MNAT1: variants seen among roughly 807,000 people sequenced by gnomAD.
MNAT1 encodes MNAT1 component of CDK activating kinase, also known as CDK-activating kinase assembly factor MAT1.
In MNAT1, 43 loss-of-function variants were observed where a neutral mutation model predicts 42.0. The observed-to-expected ratio is 1.02, with a 90% CI of 0.80 to 1.32. The LOEUF is 1.32. Among genes scored for constraint, MNAT1 ranks in the 40% most tolerant of loss-of-function variants. MNAT1 has a pLI of 0.00. For synonymous variants in MNAT1, 118 were observed against 120.0 expected, an observed-to-expected ratio of 0.98 and a Z score of 0.11; for missense variants, 306 against 350.4, an observed-to-expected ratio of 0.87 and a Z score of 1.01.
rs186001880 is a variant in MNAT1, at chr14:60,889,297, A to G, written c.809+9462A>G. On this transcript the variant is annotated intron_variant, in intron 7 of 7. Transcript: ENST00000261245. ...ACAGAGCCCTCAGAAATAATGCTGC[A>G]TTATCTACAACTATCTGATCTTTGA... Among the ~76,000 whole-genome samples the G allele has an allele frequency of 3.6e-4, 55 of 152,242 alleles. No individual in the cohort carries two copies. The East Asian group carries it at 0.01, about 28-fold the overall frequency.
chr14:60,812,740 T>C (rs1176835435), intron 5 of MNAT1, among the ~76,000 whole-genome samples: 2 of 152,216 alleles, frequency 1.3e-5, no homozygotes, highest in Non-Finnish European at 2.9e-5. Context: ...CCTGTGCCTA[T>C]AAAGACCCCA....
chr14:60,858,983 A>T (rs1290056159), intron 6 of MNAT1, among the ~76,000 whole-genome samples: 1 of 152,240 alleles, frequency 6.6e-6, no homozygotes, highest in African/African-American at 2.4e-5. Context: ...AACCTGCAAT[A>T]TCTCCGAAGT....
At chr14:60,748,669 T>C (rs964789638) in intron 1 of MNAT1, among the ~76,000 whole-genome samples, 1 of 152,224 alleles carries the variant, frequency 6.6e-6, no homozygotes, top group Non-Finnish European at 1.5e-5. Context: ...TTTTTTCTCA[T>C]TGGAGAGTCT....
chr14:60,894,211 T>C (rs2034903886), intron 7 of MNAT1, among the ~76,000 whole-genome samples: 2 of 152,074 alleles, frequency 1.3e-5, no homozygotes, highest in Admixed American at 1.3e-4. Flanking sequence ...ATGCGGGCAG[T>C]AGGTTTTCTA....
At chr14:60,913,841 C>T (rs1204788998) in intron 7 of MNAT1, among the ~76,000 whole-genome samples, 2 of 152,186 alleles carry the variant, frequency 1.3e-5, no homozygotes, top group East Asian at 3.9e-4. Flanking sequence ...AGAACCACTA[C>T]TCTCTTCAAA....
At chr14:60,843,623 C>A (rs1335125829) in intron 6 of MNAT1, among the ~76,000 whole-genome samples, 1 of 152,018 alleles carries the variant, frequency 6.6e-6, no homozygotes, top group African/African-American at 2.4e-5. Context: ...AATCTTATGT[C>A]CATTAAAAAA....
chr14:60,900,879 C>T (rs1566544554), intron 7 of MNAT1, among the ~76,000 whole-genome samples: 3 of 151,534 alleles, frequency 2.0e-5, no homozygotes, highest in Admixed American at 6.6e-5. Flanking sequence ...GGTAGCTACT[C>T]AGGAGGCTGA....
chr14:60,936,548 C>A (rs557552774), intron 7 of MNAT1, among the ~76,000 whole-genome samples: 1 of 152,180 alleles, frequency 6.6e-6, no homozygotes, highest in Admixed American at 6.5e-5. Context: ...CTACAAAGGA[C>A]ATGAACTCAT....
At chr14:60,816,680 C>T (rs1378013729) in intron 5 of MNAT1, among the ~76,000 whole-genome samples, 3 of 151,974 alleles carry the variant, frequency 2.0e-5, no homozygotes, top group South Asian at 4.1e-4. Context: ...GCTAAATCTG[C>T]ATGTTAGATA....
chr14:60,826,890 C>A (rs1330481381), intron 6 of MNAT1, among the ~76,000 whole-genome samples: 1 of 150,956 alleles, frequency 6.6e-6, no homozygotes. Context: ...TTTTTTTTTC[C>A]CTGATTCATT....
intron 6 of MNAT1, among the ~76,000 whole-genome samples, chr14:60,848,714 A>T (rs1346735900): frequency 3.9e-5 from 6 of 152,160 alleles, no homozygotes; most frequent in Admixed American, 3.9e-4. Context: ...TACTCTATAT[A>T]TGTCACATAA....
chr14:60,851,797 C>T (rs766811844), intron 6 of MNAT1, among the ~76,000 whole-genome samples: 8 of 152,080 alleles, frequency 5.3e-5, no homozygotes, highest in Non-Finnish European at 8.8e-5. Context: ...TGAGAACATG[C>T]GGTGATTGGT....
Position 60,831,809 on chromosome 14 carries a change from T to C in MNAT1, c.687+12962T>C, listed in dbSNP as rs563989384. ...ACTCCCACCAACAGTGTAAAAGCAT[T>C]CCTATTTCTCCACACCCTCTCTAGC... On this transcript the variant is annotated intron_variant, in intron 6 of 7. Coordinates refer to ENST00000261245, the MANE Select transcript of MNAT1 (RefSeq NM_002431.4). Among the ~76,000 whole-genome samples, 5 of 152,322 alleles carry C rather than the reference T, an allele frequency of 3.3e-5. No homozygotes were observed. The East Asian group carries it at 9.7e-4, about 29-fold the overall frequency.
intron 1 of MNAT1, among the ~76,000 whole-genome samples, chr14:60,750,220 T>C (rs1416065387): frequency 6.6e-6 from 1 of 152,000 alleles, no homozygotes; most frequent in African/African-American, 2.4e-5. Flanking sequence ...TAAATTCGTT[T>C]TTCTTTCTTT....
chr14:60,810,026 C>G (rs1475765356), intron 4 of MNAT1, among the ~76,000 whole-genome samples: 1 of 151,992 alleles, frequency 6.6e-6, no homozygotes, highest in East Asian at 1.9e-4. Context: ...CATACTAGTT[C>G]TAGGTCTTTT....
Position 60,796,358 on chromosome 14 carries a change from A to C in MNAT1, c.231A>C (p.Lys77Asn), listed in dbSNP as rs1047929184. 2.5e-6 allele frequency: 4 copies of C among 1,612,200 alleles called. No individual in the cohort carries two copies. The African/African-American group carries it at 5.3e-5, about 22-fold the overall frequency. Reference protein sequence around the residue: ...TVDKEVEIRKKVLKIYNKREE... With the variant: ...TVDKEVEIRKNVLKIYNKREE... ...ACAAGGAGGTTGAGATCAGGAAAAA[A>C]GTGCTAAAGATGTAAGTATTCCTGC... The change falls in exon 2 of 8, where the codon AAA becomes AAC. Residue 77 changes from lysine (K) to asparagine (N), a missense_variant. Transcript: ENST00000261245.
In MNAT1 at chr14:60,767,404, T is replaced by G. The variant is rs60961683; in HGVS notation, c.90-28813T>G. On this transcript the variant is annotated intron_variant, in intron 1 of 7. Transcript: ENST00000261245. ...ACAGTTTGTCCATCTGGGATCTTTT[T>G]TGGATACTCTACACTTGTGGGGAGA... 2.6e-3 allele frequency among the ~76,000 whole-genome samples: 400 copies of G among 152,250 alleles called. 12 individuals are homozygous for G. In the East Asian group the frequency reaches 0.065, roughly 25 times the overall value.
chr14:60,741,384 G>A (rs1896454982), intron 1 of MNAT1, among the ~76,000 whole-genome samples: 1 of 151,904 alleles, frequency 6.6e-6, no homozygotes, highest in Non-Finnish European at 1.5e-5. Flanking sequence ...TTTTGAGATG[G>A]AATCTCGCTC....
chr14:60,946,968 G>A (rs960731038), intron 7 of MNAT1, among the ~76,000 whole-genome samples: 4 of 152,138 alleles, frequency 2.6e-5, no homozygotes, highest in Admixed American at 1.3e-4. Context: ...GTCCTCATGT[G>A]GCAGAGAGAC....
Sources: allele counts gnomAD v4.1 joint callset (sites outside exome capture counted in the v4.1 genomes callset), GRCh38; gene constraint gnomAD v4.1.1; transcripts MANE v1.5; gene names NCBI Gene and HGNC (gene_info 2026-07-23, HGNC 2026-07-21).